Variants in DRC8 observed in about 807,000 individuals in gnomAD.
DRC8 encodes dynein regulatory complex subunit 8, also known as dynein regulatory complex protein 8.
chr1:245,093,504 G>A, the DRC8 span, among the ~76,000 whole-genome samples: 1 of 152,012 alleles, frequency 6.6e-6, no homozygotes, highest in Non-Finnish European at 1.5e-5. Flanking sequence ...TATGAGACCA[G>A]CCCAGGCAAC....
At chr1:245,065,808 G>A in the DRC8 span, among the ~76,000 whole-genome samples, 2 of 151,490 alleles carry the variant, frequency 1.3e-5, no homozygotes, top group African/African-American at 4.9e-5. Context: ...AGAGTGTTCA[G>A]TCTTCTGCTT....
chr1:245,114,626 G>A, the DRC8 span, among the ~76,000 whole-genome samples: 15 of 152,168 alleles, frequency 9.9e-5, no homozygotes, highest in Non-Finnish European at 1.5e-4. Context: ...TCACCGATGC[G>A]TGAACAGCCT....
At chr1:245,014,064 A>AAAAAAGAG in the DRC8 span, among the ~76,000 whole-genome samples, 2 of 149,082 alleles carry the variant, frequency 1.3e-5, no homozygotes, top group East Asian at 4.1e-4. Flanking sequence ...AAAAAAAAGA[A>AAAAAAGAG]AAAAAGAAAA....
At chr1:245,109,115 T>C in the DRC8 span, among the ~76,000 whole-genome samples, 1 of 152,168 alleles carries the variant, frequency 6.6e-6, no homozygotes, top group African/African-American at 2.4e-5. Flanking sequence ...TGGGCAACTC[T>C]AGGAGTCTCG....
the DRC8 span, among the ~76,000 whole-genome samples, chr1:245,052,094 G>A: frequency 6.6e-6 from 1 of 152,134 alleles, no homozygotes. Context: ...AAGGGAGGGA[G>A]TACTTTGGAG....
chr1:244,971,017 C>T, the DRC8 span: 2 of 157,594 alleles, frequency 1.3e-5, no homozygotes, highest in African/African-American at 4.8e-5. Context: ...CTGACGGGAT[C>T]CTCTGTTTGC....
the DRC8 span, among the ~76,000 whole-genome samples, chr1:245,073,380 G>A: frequency 6.6e-6 from 1 of 152,018 alleles, no homozygotes; most frequent in Non-Finnish European, 1.5e-5. Context: ...AGGTGATCTG[G>A]CCACCTCGGC....
the DRC8 span, among the ~76,000 whole-genome samples, chr1:245,045,119 C>T: frequency 1.3e-5 from 2 of 152,190 alleles, no homozygotes; most frequent in Non-Finnish European, 2.9e-5. Context: ...AAGTCATCCT[C>T]CCATCTCAGC....
At chr1:245,102,075 C>T in the DRC8 span, among the ~76,000 whole-genome samples, 9,175 of 152,140 alleles carry the variant, frequency 0.06, 900 homozygotes, top group African/African-American at 0.2. Context: ...ATTTTACTTG[C>T]TTTTGCACCG....
chr1:245,111,293 C>T, the DRC8 span, among the ~76,000 whole-genome samples: 3 of 152,156 alleles, frequency 2.0e-5, no homozygotes, highest in Non-Finnish European at 4.4e-5. Flanking sequence ...GTCTGATACC[C>T]GGTGACCTGC....
the DRC8 span, chr1:245,083,898 G>A: frequency 5.1e-5 from 28 of 554,078 alleles, no homozygotes; most frequent in East Asian, 1.7e-4. Flanking sequence ...TTGTTGTCTC[G>A]TAGAATTTTG....
At chr1:245,093,194 A>G in the DRC8 span, among the ~76,000 whole-genome samples, 5 of 152,112 alleles carry the variant, frequency 3.3e-5, no homozygotes, top group Non-Finnish European at 5.9e-5. Context: ...TGGTGGGGAG[A>G]TAGCCGAGGT....
At chr1:245,031,011 C>T in the DRC8 span, among the ~76,000 whole-genome samples, 6 of 152,180 alleles carry the variant, frequency 3.9e-5, no homozygotes, top group African/African-American at 9.7e-5. Context: ...TGGTACAAAG[C>T]ATAGCAACCT....
chr1:245,099,205 T>C, the DRC8 span, among the ~76,000 whole-genome samples: 1 of 152,170 alleles, frequency 6.6e-6, no homozygotes, highest in South Asian at 2.1e-4. Context: ...TGAGCAGCCC[T>C]GTCCCCTCCC....
At chr1:244,990,076 G>A in the DRC8 span, among the ~76,000 whole-genome samples, 8 of 152,114 alleles carry the variant, frequency 5.3e-5, no homozygotes, top group Admixed American at 3.9e-4. Context: ...GTCATGGCTC[G>A]GGATGACCCG....
the DRC8 span, among the ~76,000 whole-genome samples, chr1:245,102,425 C>T: frequency 6.6e-5 from 10 of 152,092 alleles, no homozygotes. Context: ...TCTCAGCTCA[C>T]TGCAGCCTCC....
the DRC8 span, among the ~76,000 whole-genome samples, chr1:245,113,071 T>G: frequency 6.6e-6 from 1 of 152,026 alleles, no homozygotes; most frequent in Non-Finnish European, 1.5e-5. Context: ...CTATTTTGAG[T>G]GTGATTCTTA....
the DRC8 span, among the ~76,000 whole-genome samples, chr1:245,027,219 A>T: frequency 1.3e-5 from 2 of 152,162 alleles, no homozygotes; most frequent in Non-Finnish European, 2.9e-5. Flanking sequence ...AGAATTTTTT[A>T]AAGTCATTCC....
the DRC8 span, chr1:245,059,428 G>A: frequency 1.7e-4 from 279 of 1,612,656 alleles, no homozygotes; most frequent in Non-Finnish European, 2.1e-4. Context: ...GCTGTCCTAC[G>A]GAAGGAGAGC....
Sources: allele counts gnomAD v4.1 joint callset (sites outside exome capture counted in the v4.1 genomes callset), GRCh38; gene constraint gnomAD v4.1.1; transcripts MANE v1.5; gene names NCBI Gene and HGNC (gene_info 2026-07-23, HGNC 2026-07-21).